The following CNTN4 variants were observed in gnomAD, a reference collection of about 807,000 sequenced individuals.
CNTN4 encodes contactin 4.
Under a neutral mutation model 122.5 loss-of-function variants are expected in CNTN4, and 77 were observed. The observed-to-expected ratio is 0.63, with a 90% CI of 0.52 to 0.76. CNTN4 has a LOEUF of 0.76. Ranked by LOEUF, CNTN4 falls within the 30% of genes least tolerant of loss-of-function variation. The pLI is 0.00. For synonymous variants in CNTN4, 512 were observed against 447.0 expected, an observed-to-expected ratio of 1.15 and a Z score of -1.83; for missense variants, 1,256 against 1,259.1, an observed-to-expected ratio of 1.00 and a Z score of 0.04.
intron 3 of CNTN4, among the ~76,000 whole-genome samples, chr3:2,347,363 G>C (rs1255079086): frequency 1.4e-5 from 2 of 144,170 alleles, no homozygotes; most frequent in Admixed American, 1.4e-4. Context: ...TATTCCACTA[G>C]CAAAAGAAGC....
intron 10 of CNTN4, among the ~76,000 whole-genome samples, chr3:2,896,919 G>A (rs1207289771): frequency 1.4e-5 from 2 of 139,846 alleles, no homozygotes; most frequent in African/African-American, 5.4e-5. Flanking sequence ...CTTTGTAATA[G>A]TAATTTAGAG....
chr3:3,008,531 C>G (rs1696870953), intron 14 of CNTN4, among the ~76,000 whole-genome samples: 1 of 152,170 alleles, frequency 6.6e-6, no homozygotes, highest in Non-Finnish European at 1.5e-5. Flanking sequence ...TTAGTGTGGG[C>G]TTTTAAGCCT....
Position 2,279,490 on chromosome 3 carries a change from G to A in CNTN4, c.-144-59688G>A, listed in dbSNP as rs17011703. Among the ~76,000 whole-genome samples, 1,235 of 152,262 alleles carry A rather than the reference G, an allele frequency of 8.1e-3. 18 individuals are homozygous for A. Among genetic ancestry groups the A allele is most frequent in the African/African-American group, 0.028 (1,161 of 41,536 alleles). ...ATGGATGCAATCAGACAAATGACACGTGCGAGACATTCTGTGAAACAGCAG... is the reference window on the plus strand; with the variant it reads ...ATGGATGCAATCAGACAAATGACACATGCGAGACATTCTGTGAAACAGCAG... On this transcript the variant is annotated intron_variant, in intron 2 of 24. Coordinates refer to ENST00000418658, the MANE Select transcript of CNTN4 (RefSeq NM_175607.3).
intron 4 of CNTN4, among the ~76,000 whole-genome samples, chr3:2,632,017 C>A (rs1438812354): frequency 6.6e-6 from 1 of 151,898 alleles, no homozygotes; most frequent in African/African-American, 2.4e-5. Flanking sequence ...CACTACTGCA[C>A]TTCACCCTGG....
intron 2 of CNTN4, among the ~76,000 whole-genome samples, chr3:2,223,873 C>A (rs1445680072): frequency 6.6e-6 from 1 of 152,004 alleles, no homozygotes; most frequent in East Asian, 1.9e-4. Flanking sequence ...AAAACGGGGT[C>A]CCACAACTTG....
chr3:2,887,001 T>G, intron 9 of CNTN4, 39 bp from the exon 10 acceptor site: 2 of 1,581,498 alleles, frequency 1.3e-6, no homozygotes, highest in South Asian at 2.2e-5. Context: ...GGTCCAGTTT[T>G]CTCTAGTTTG....
chr3:2,644,794 G>A (rs916358932), intron 4 of CNTN4, among the ~76,000 whole-genome samples: 17 of 146,302 alleles, frequency 1.2e-4, no homozygotes, highest in Non-Finnish European at 2.2e-4. Flanking sequence ...TGTTTGAAGT[G>A]TATGTTAGGG....
chr3:2,171,587 A>G (rs1280071994), intron 2 of CNTN4, among the ~76,000 whole-genome samples: 1 of 152,180 alleles, frequency 6.6e-6, no homozygotes, highest in African/African-American at 2.4e-5. Flanking sequence ...AGTCAGTGGG[A>G]CATTATCGTC....
intron 3 of CNTN4, among the ~76,000 whole-genome samples, chr3:2,482,022 G>A (rs568595685): frequency 7.9e-5 from 12 of 152,320 alleles, no homozygotes; most frequent in Admixed American, 3.3e-4. Flanking sequence ...AGAGTGGGGT[G>A]CTGCTATAAA....
intron 2 of CNTN4, among the ~76,000 whole-genome samples, chr3:2,231,749 A>G (rs1575132687): frequency 6.6e-6 from 1 of 152,226 alleles, no homozygotes; most frequent in Admixed American, 6.5e-5. Flanking sequence ...GATAATGATT[A>G]AAATGTAATT....
chr3:2,200,179 C>T (rs1008182262), intron 2 of CNTN4, among the ~76,000 whole-genome samples: 5 of 152,022 alleles, frequency 3.3e-5, no homozygotes, highest in African/African-American at 1.2e-4. Flanking sequence ...AGAGATGATT[C>T]ATTGTTCTAT....
chr3:2,707,592 T>G (rs1056618467), intron 4 of CNTN4, among the ~76,000 whole-genome samples: 1 of 152,086 alleles, frequency 6.6e-6, no homozygotes, highest in Non-Finnish European at 1.5e-5. Context: ...GTTAGCAGTT[T>G]TTGTTATTTT....
chr3:3,019,247 T>C (rs1214495885), intron 14 of CNTN4, among the ~76,000 whole-genome samples: 2 of 152,188 alleles, frequency 1.3e-5, no homozygotes, highest in African/African-American at 2.4e-5. Flanking sequence ...GACCATCAGG[T>C]ACTGGTGTAA....
At chr3:3,013,973 T>C (rs1006577943) in intron 14 of CNTN4, among the ~76,000 whole-genome samples, 1 of 152,024 alleles carries the variant, frequency 6.6e-6, no homozygotes, top group South Asian at 2.1e-4. Context: ...TATTAGATTC[T>C]AATGGATAAT....
At chr3:2,932,835 TA>T (rs2094534105) in intron 13 of CNTN4, among the ~76,000 whole-genome samples, 9 of 144,244 alleles carry the variant, frequency 6.2e-5, no homozygotes, top group African/African-American at 2.3e-4. Context: ...TTTATTTATT[TA>T]TTTAGAGACG....
chr3:2,606,697 C>T (rs557979726), intron 4 of CNTN4, among the ~76,000 whole-genome samples: 15 of 152,160 alleles, frequency 9.9e-5, no homozygotes, highest in Non-Finnish European at 2.2e-4. Flanking sequence ...GCTTGTTCGT[C>T]AGCATTCTTA....
At chr3:2,557,900 T>A (rs555248256) in intron 3 of CNTN4, among the ~76,000 whole-genome samples, 1 of 152,330 alleles carries the variant, frequency 6.6e-6, no homozygotes, top group South Asian at 2.1e-4. Context: ...TTTTTTCACA[T>A]AATTTTTCCT....
At chr3:2,779,954 T>C (rs1311732915) in intron 6 of CNTN4, among the ~76,000 whole-genome samples, 1 of 152,238 alleles carries the variant, frequency 6.6e-6, no homozygotes, top group South Asian at 2.1e-4. Context: ...CATAAGAAAT[T>C]TGTTAATTTA....
chr3:2,735,130 T>C (rs1309021373), intron 4 of CNTN4, among the ~76,000 whole-genome samples: 1 of 152,172 alleles, frequency 6.6e-6, no homozygotes, highest in African/African-American at 2.4e-5. Context: ...GAAAATAAAG[T>C]GTACTCTATG....
Sources: gnomAD v4.1 joint callset for allele counts (sites outside exome capture counted in the v4.1 genomes callset) on GRCh38, gnomAD v4.1.1 for gene constraint, MANE v1.5 for transcripts, NCBI Gene and HGNC (gene_info 2026-07-23, HGNC 2026-07-21) for gene names.